The following RAPGEF4 variants were observed in gnomAD, a reference collection of about 807,000 sequenced individuals.
RAPGEF4 encodes the protein RAP guanine-nucleotide-exchange factor (GEF) 4.
RAPGEF4 carries 66 observed loss-of-function variants against 147.9 expected under a neutral mutation model. The observed-to-expected ratio is 0.45, with a 90% CI of 0.37 to 0.55. The LOEUF is 0.55. Among genes scored for constraint, RAPGEF4 ranks in the 20% least tolerant of loss-of-function variants. RAPGEF4 has a pLI of 0.00. For missense variants in RAPGEF4, 1,071 were observed against 1,257.3 expected, an observed-to-expected ratio of 0.85 and a Z score of 2.24; for synonymous variants, 419 against 442.7, an observed-to-expected ratio of 0.95 and a Z score of 0.67.
chr2:172,993,942 C>A (rs2105755029), intron 15 of RAPGEF4, among the ~76,000 whole-genome samples: 1 of 152,340 alleles, frequency 6.6e-6, no homozygotes, highest in South Asian at 2.1e-4. Context: ...AGGCCACTTT[C>A]TAGAGAGGTG....
intron 1 of RAPGEF4, among the ~76,000 whole-genome samples, chr2:172,794,584 T>A (rs1461039656): frequency 1.3e-5 from 2 of 152,168 alleles, no homozygotes; most frequent in Admixed American, 6.5e-5. Flanking sequence ...TTCTCATTTG[T>A]CTTTGTGATT....
intron 4 of RAPGEF4, among the ~76,000 whole-genome samples, chr2:172,882,523 G>A (rs888197843): frequency 1.3e-4 from 20 of 152,200 alleles, no homozygotes; most frequent in Non-Finnish European, 2.5e-4. Flanking sequence ...AATGCACTAT[G>A]AGAAGCTATC....
intron 10 of RAPGEF4, among the ~76,000 whole-genome samples, chr2:172,975,345 GT>G (rs1690958956): frequency 6.6e-6 from 1 of 152,104 alleles, no homozygotes; most frequent in Non-Finnish European, 1.5e-5. Context: ...AGTTTATATA[GT>G]GGTCTCACAT....
At chr2:173,000,931 C>T (rs1693852679) in intron 16 of RAPGEF4, among the ~76,000 whole-genome samples, 1 of 152,074 alleles carries the variant, frequency 6.6e-6, no homozygotes, top group Non-Finnish European at 1.5e-5. Flanking sequence ...AAAGAAACGA[C>T]CATGTCTTCG....
chr2:172,801,220 G>C (rs1214387551), intron 3 of RAPGEF4, among the ~76,000 whole-genome samples: 3 of 152,174 alleles, frequency 2.0e-5, no homozygotes, highest in African/African-American at 7.2e-5. Context: ...TTCTTCTGCT[G>C]GGCGCACTCA....
Position 172,740,573 on chromosome 2 carries a change from A to C in RAPGEF4, c.65+4525A>C, listed in dbSNP as rs549797700. On this transcript the variant is annotated intron_variant, in intron 1 of 30. Coordinates refer to ENST00000397081, the MANE Select transcript of RAPGEF4 (RefSeq NM_007023.4). ...AGAAACAAATTTGTTAAGAACCAAAATGCTTTGTAGCACACATGGTGAGAG... is the reference window on the plus strand; with the variant it reads ...AGAAACAAATTTGTTAAGAACCAAACTGCTTTGTAGCACACATGGTGAGAG... 2.6e-5 allele frequency among the ~76,000 whole-genome samples: 4 copies of C among 152,346 alleles called. No homozygotes were observed. The East Asian group carries it at 7.7e-4, about 29-fold the overall frequency.
intron 6 of RAPGEF4, among the ~76,000 whole-genome samples, chr2:172,930,398 A>G (rs1456056911): frequency 6.6e-6 from 1 of 152,094 alleles, no homozygotes; most frequent in Non-Finnish European, 1.5e-5. Flanking sequence ...TCTCAAAATC[A>G]TGCCTTCTTT....
intron 28 of RAPGEF4, among the ~76,000 whole-genome samples, 194 bp from the exon 29 acceptor site, chr2:173,036,434 T>C (rs1684016174): frequency 6.6e-6 from 1 of 152,224 alleles, no homozygotes; most frequent in South Asian, 2.1e-4. Context: ...AACAGAAGAT[T>C]AGTTTAAAAA....
intron 3 of RAPGEF4, among the ~76,000 whole-genome samples, chr2:172,800,121 A>C (rs915464639): frequency 2.6e-5 from 4 of 152,198 alleles, no homozygotes; most frequent in Non-Finnish European, 4.4e-5. Flanking sequence ...AGTTGTTAGG[A>C]ATGAGTTAAT....
chr2:172,757,096 G>A (rs1218583896), intron 1 of RAPGEF4, among the ~76,000 whole-genome samples: 1 of 152,204 alleles, frequency 6.6e-6, no homozygotes, highest in Non-Finnish European at 1.5e-5. Context: ...GCTCTGTTTT[G>A]GAACACAAGA....
At chr2:172,968,752 C>T (rs572179359) in intron 10 of RAPGEF4, among the ~76,000 whole-genome samples, 5 of 152,180 alleles carry the variant, frequency 3.3e-5, no homozygotes, top group Admixed American at 1.3e-4. Flanking sequence ...CCTGCCCAGC[C>T]AATGTATGCT....
chr2:173,016,392 C>T lies in RAPGEF4; in HGVS notation c.1853C>T (p.Ala618Val). ...SVSDDARMIA[A>V]LKEQLPELEK... ...TCAGATGATGCCCGGATGATTGCTG[C>T]CCTCAAGGAGCAACTGCCAGAGTTG... Residue 618 changes from alanine to valine, a missense_variant, in exon 19 of 31, where the codon GCC (alanine) becomes GTC (valine). Physicochemically the swap from Ala to Val is moderately conservative, Grantham distance 64. Coordinates refer to ENST00000397081, the MANE Select transcript of RAPGEF4 (RefSeq NM_007023.4). The T allele has an allele frequency of 6.2e-7, 1 of 1,613,834 alleles. No individual in the cohort carries two copies. Among genetic ancestry groups the T allele is most frequent in the Non-Finnish European group, 8.5e-7 (1 of 1,179,734 alleles).
intron 29 of RAPGEF4, among the ~76,000 whole-genome samples, chr2:173,047,729 T>A (rs573221415): frequency 1.3e-5 from 2 of 151,772 alleles, no homozygotes; most frequent in African/African-American, 2.4e-5. Flanking sequence ...CAGGCTGGAG[T>A]GCAGTGGCGC....
chr2:172,893,376 A>G (rs1698142071), intron 4 of RAPGEF4, among the ~76,000 whole-genome samples: 2 of 152,332 alleles, frequency 1.3e-5, no homozygotes, highest in South Asian at 2.1e-4. Context: ...CGGCCACCAC[A>G]TGTCCTGTGT....
At chr2:172,948,612 A>G (rs1021141703) in intron 6 of RAPGEF4, among the ~76,000 whole-genome samples, 1 of 152,208 alleles carries the variant, frequency 6.6e-6, no homozygotes, top group Admixed American at 6.5e-5. Flanking sequence ...CCCATGGAAT[A>G]CTATGCAGCC....
chr2:172,763,494 G>C (rs1384712285), intron 1 of RAPGEF4, among the ~76,000 whole-genome samples: 2 of 152,160 alleles, frequency 1.3e-5, no homozygotes, highest in African/African-American at 4.8e-5. Context: ...GATCAGATCA[G>C]ATTTCCCCAG....
intron 9 of RAPGEF4, chr2:172,966,969 G>T (rs1043125234): frequency 2.7e-5 from 7 of 255,850 alleles, no homozygotes; most frequent in African/African-American, 6.6e-5. Context: ...TCAGGAAGAC[G>T]ATTTCTGCAG....
chr2:172,921,141 G>T (rs1365527444), intron 5 of RAPGEF4, among the ~76,000 whole-genome samples: 1 of 151,472 alleles, frequency 6.6e-6, no homozygotes, highest in Non-Finnish European at 1.5e-5. Flanking sequence ...TTTAGTCAGG[G>T]TCTCACTCTG....
intron 1 of RAPGEF4, among the ~76,000 whole-genome samples, chr2:172,782,564 AAC>A (rs1161119928): frequency 3.9e-5 from 6 of 152,200 alleles, no homozygotes; most frequent in Non-Finnish European, 5.9e-5. Context: ...GCAATTTTTT[AAC>A]AGAGTCATCT....
Sources: allele counts gnomAD v4.1 joint callset (sites outside exome capture counted in the v4.1 genomes callset), GRCh38; gene constraint gnomAD v4.1.1; transcripts MANE v1.5; gene names NCBI Gene and HGNC (gene_info 2026-07-23, HGNC 2026-07-21).